TF: variants seen among roughly 807,000 people sequenced by gnomAD.
The protein encoded by TF is transferrin.
A neutral mutation model predicts 82.4 loss-of-function variants in TF; 55 were observed. That is an observed-to-expected ratio of 0.67 (90% confidence interval 0.54 to 0.84). The LOEUF (loss-of-function observed/expected upper bound fraction) is 0.84. TF is among the 40% of genes least tolerant of loss of function. TF has a pLI of 0.00. For missense variants in TF, 737 were observed against 868.4 expected, an observed-to-expected ratio of 0.85 and a Z score of 1.90; for synonymous variants, 332 against 332.6, an observed-to-expected ratio of 1.00 and a Z score of 0.02.
chr3:133,746,507 C>T, intron 1 of TF, 24 bp downstream of exon 1: 3 of 1,588,726 alleles, frequency 1.9e-6, no homozygotes, highest in Non-Finnish European at 2.6e-6. Context: ...CGGGGTAGCA[C>T]CGCAGAGTCG....
At chr3:133,750,054 A>C (rs537493136) in intron 2 of TF, among the ~76,000 whole-genome samples, 2 of 152,302 alleles carry the variant, frequency 1.3e-5, no homozygotes, top group African/African-American at 4.8e-5. Context: ...TTGTGTTGCA[A>C]AGGAATGGCT....
chr3:133,713,026 C>T, the TF span, among the ~76,000 whole-genome samples: 1 of 152,146 alleles, frequency 6.6e-6, no homozygotes, highest in Non-Finnish European at 1.5e-5. Flanking sequence ...CTTAGGGCAC[C>T]TAGGGAGAAG....
Position 133,781,636 on chromosome 3 carries a change from A to C in TF, c.*3016A>C, listed in dbSNP as rs1934518009. 6.6e-6 allele frequency: 1 copy of C among 152,150 alleles called. No individual in the cohort carries two copies. The highest frequency in any genetic ancestry group is 1.5e-5 in the Non-Finnish European group (1 of 68,028). The allele number at this position is 152,150 out of a possible 1,614,324, so 9.4% of individuals were successfully genotyped here. On this transcript the variant is annotated 3_prime_UTR_variant, in exon 17 of 17. Coordinates refer to ENST00000402696, the MANE Select transcript of TF (RefSeq NM_001063.4). ...CAATTTTTTAACTTGACAAAATGAT[A>C]CTAATCCTCAACTAAAAAACAAAAG...
Position 133,784,019 on chromosome 3 carries a change from G to C in TF, c.*5399G>C, listed in dbSNP as rs1934580865. The C allele has an allele frequency of 6.6e-6, 1 of 152,446 alleles. No homozygotes were observed. The allele number at this position is 152,446 out of a possible 1,614,324, so 9.4% of individuals were successfully genotyped here. A position where few individuals can be genotyped will look rare whatever the true frequency, so the allele number is the denominator to read the frequency against. On this transcript the variant is annotated 3_prime_UTR_variant, in exon 17 of 17. Coordinates refer to ENST00000402696, the MANE Select transcript of TF (RefSeq NM_001063.4). ...GGCCAGGAAAGCTGGTCTGCGCGCG[G>C]CTCAGCTGCCTCCGTAGGCCATGGA... is the stretch of plus-strand genomic sequence containing the variant.
chr3:133,734,981 G>A, the TF span, among the ~76,000 whole-genome samples: 1 of 152,174 alleles, frequency 6.6e-6, no homozygotes, highest in African/African-American at 2.4e-5. Context: ...GTAACATGTG[G>A]ATCTTCTTTG....
chr3:133,746,233 A>C, upstream of TF: 2 of 636,018 alleles, frequency 3.1e-6, no homozygotes, highest in Non-Finnish European at 5.7e-6. Context: ...GGTCGTCTCC[A>C]GAGCTCAGAA....
rs576824183 is a variant in TF, at chr3:133,778,632, T to C, written c.*12T>C. The C allele has an allele frequency of 1.9e-6, 3 of 1,613,300 alleles. No individual in the cohort carries two copies. Among genetic ancestry groups the C allele is most frequent in the Non-Finnish European group, 1.7e-6 (2 of 1,179,536 alleles). ...TCCGTAGACCTTAAAATCTCAGAGG[T>C]AGGGCTGCCACCAAGGTGAAGATGG... is the stretch of plus-strand genomic sequence containing the variant. On this transcript the variant is annotated 3_prime_UTR_variant, in exon 17 of 17. Coordinates refer to ENST00000402696, the MANE Select transcript of TF (RefSeq NM_001063.4).
Position 133,787,639 on chromosome 3 carries a change from C to G in TF, c.*9019C>G, listed in dbSNP as rs1311073763. 1 of 152,136 alleles carries G rather than the reference C, an allele frequency of 6.6e-6. No homozygotes were observed. Among genetic ancestry groups the G allele is most frequent in the African/African-American group, 2.4e-5 (1 of 41,432 alleles). The allele number at this position is 152,136 out of a possible 1,614,324, so 9.4% of individuals were successfully genotyped here. A position where few individuals can be genotyped will look rare whatever the true frequency, so the allele number is the denominator to read the frequency against. ...TAAATCACCTCTGTGAACAGTGTTACTTGTTCATTCAGTTGAGGAAGGTGA... is the reference window on the plus strand; with the variant it reads ...TAAATCACCTCTGTGAACAGTGTTAGTTGTTCATTCAGTTGAGGAAGGTGA... On this transcript the variant is annotated 3_prime_UTR_variant, in exon 17 of 17. Coordinates refer to ENST00000402696, the MANE Select transcript of TF (RefSeq NM_001063.4).
At chr3:133,675,773 C>T in the TF span, among the ~76,000 whole-genome samples, 6 of 152,168 alleles carry the variant, frequency 3.9e-5, no homozygotes, top group African/African-American at 1.4e-4. Context: ...TTTTTTGCCC[C>T]TGACTTCTCA....
chr3:133,686,377 A>G, the TF span, among the ~76,000 whole-genome samples: 1 of 152,216 alleles, frequency 6.6e-6, no homozygotes, highest in Non-Finnish European at 1.5e-5. Context: ...GAACTTCTGC[A>G]CAGCAAAAGA....
Position 133,788,416 on chromosome 3 carries a change from C to G in TF, c.*9796C>G, listed in dbSNP as rs1934741361. ...AACTGGGCTCTTGAGCCCCTAAGCA[C>G]AGGCCTTCTCCCACCCTGTGGAGCG... On this transcript the variant is annotated 3_prime_UTR_variant, in exon 17 of 17. Coordinates refer to ENST00000402696, the MANE Select transcript of TF (RefSeq NM_001063.4). 1.3e-5 allele frequency: 2 copies of G among 152,238 alleles called. No homozygotes were observed. Among genetic ancestry groups the G allele is most frequent in the South Asian group, 4.1e-4 (2 of 4,830 alleles). 9.4% of individuals were successfully genotyped at this position (152,238 alleles called of 1,614,324 possible).
At chr3:133,699,314 G>A in the TF span, 3 of 421,052 alleles carry the variant, frequency 7.1e-6, no homozygotes, top group Non-Finnish European at 8.9e-6. Context: ...TGTATAAAAT[G>A]TTTTTGGAAA....
chr3:133,752,273 GT>G (rs1451734547), intron 2 of TF, among the ~76,000 whole-genome samples: 1 of 151,718 alleles, frequency 6.6e-6, no homozygotes, highest in African/African-American at 2.4e-5. Flanking sequence ...TTGTTTGTTT[GT>G]TTTGGTAGAG....
chr3:133,688,756 G>T, the TF span, among the ~76,000 whole-genome samples: 1 of 152,110 alleles, frequency 6.6e-6, no homozygotes, highest in Non-Finnish European at 1.5e-5. Flanking sequence ...GATAGAAAAC[G>T]CATATAAGAT....
chr3:133,717,421 G>A, the TF span, among the ~76,000 whole-genome samples: 10 of 152,288 alleles, frequency 6.6e-5, no homozygotes, highest in South Asian at 6.2e-4. Context: ...TGCTTCTCCC[G>A]TCTGCTTGTC....
intron 2 of TF, 42 bp downstream of exon 2, chr3:133,748,626 C>G (rs761897004): frequency 1.2e-6 from 2 of 1,609,524 alleles, no homozygotes; most frequent in Non-Finnish European, 1.7e-6. Flanking sequence ...GAAAGCCATA[C>G]TTTCTCTGTT....
the TF span, among the ~76,000 whole-genome samples, chr3:133,673,702 G>T: frequency 6.7e-6 from 1 of 148,770 alleles, no homozygotes; most frequent in East Asian, 1.9e-4. Context: ...TGTGGGAGGG[G>T]GTTGTGCCAG....
intron 2 of TF, among the ~76,000 whole-genome samples, chr3:133,751,924 G>T (rs887572725): frequency 5.3e-4 from 81 of 152,214 alleles, no homozygotes; most frequent in Non-Finnish European, 9.4e-4. Context: ...AACCCTGGAG[G>T]CAGAGGTTAC....
the TF span, among the ~76,000 whole-genome samples, chr3:133,706,868 T>A: frequency 6.6e-6 from 1 of 152,178 alleles, no homozygotes; most frequent in African/African-American, 2.4e-5. Context: ...CCTTCCTGTG[T>A]GGCAGGACCC....
Sources: allele counts gnomAD v4.1 joint callset (sites outside exome capture counted in the v4.1 genomes callset), GRCh38; gene constraint gnomAD v4.1.1; transcripts MANE v1.5; gene names NCBI Gene and HGNC (gene_info 2026-07-23, HGNC 2026-07-21).